TBX4: variants seen among roughly 807,000 people sequenced by gnomAD.
TBX4 encodes T-box transcription factor 4, also known as T-box transcription factor TBX4.
TBX4 carries 13 observed loss-of-function variants against 54.6 expected under a neutral mutation model. The observed-to-expected ratio is 0.24, with a 90% CI of 0.15 to 0.38. The LOEUF is 0.38. Among genes scored for constraint, TBX4 ranks in the 10% least tolerant of loss-of-function variants. The pLI is 1.00. For synonymous variants in TBX4, 314 were observed against 306.7 expected (o/e 1.02, Z -0.25); for missense variants, 631 against 728.5 (o/e 0.87, Z 1.54).
Position 61,465,754 on chromosome 17 carries a change from T to TC in TBX4, c.282-64dup. ...TGTTAGCGGCCTTCTGCCCCCTTGC[T>TC]CACTCTGTTCCATCTCTCCTGGTGC... On this transcript the variant is annotated intron_variant, in intron 3 of 8. Coordinates refer to ENST00000644296, the MANE Select transcript of TBX4 (RefSeq NM_001321120.2). This position sits in a 1 kb window ranked among gnomAD's most constrained non-coding sequence, Gnocchi z 4.9. 6.2e-7 allele frequency: 1 copy of TC among 1,608,508 alleles called. No homozygotes were observed. The highest frequency in any genetic ancestry group is 8.5e-7 in the Non-Finnish European group (1 of 1,176,588).
Position 61,483,308 on chromosome 17 carries a change from T to C in TBX4, c.1433T>C (p.Leu478Pro). The C allele has an allele frequency of 6.2e-6, 10 of 1,611,706 alleles. No homozygotes were observed. Among genetic ancestry groups the C allele is most frequent in the Non-Finnish European group, 8.5e-6 (10 of 1,178,030 alleles). The change falls in exon 9 of 9, where the codon CTC becomes CCC. Residue 478 changes from leucine (L) to proline (P), a missense_variant. Leu to Pro is a moderately conservative substitution (Grantham distance 98, BLOSUM62 -3). Transcript: ENST00000644296. This position sits in a 1 kb window ranked among gnomAD's most constrained non-coding sequence, Gnocchi z 6.6. ...GNAHFSVYNQ[L>P]SQSQVRERGP... is the part of the protein sequence containing the mutation. ...GCCCACTTTAGTGTCTACAATCAGC[T>C]CTCCCAGTCTCAGGTCCGAGAGCGG...
At position 61,483,328 on chromosome 17, in the gene TBX4, G is replaced by C; in HGVS notation, c.1453G>C (p.Glu485Gln). ...YNQLSQSQVR[E>Q]RGPSASFPRE... ...TCAGCTCTCCCAGTCTCAGGTCCGAGAGCGGGGGCCCAGCGCCTCATTCCC... is the reference window on the plus strand; with the variant it reads ...TCAGCTCTCCCAGTCTCAGGTCCGACAGCGGGGGCCCAGCGCCTCATTCCC... The change falls in exon 9 of 9, where the codon GAG becomes CAG. Residue 485 changes from glutamate (E) to glutamine (Q), a missense_variant. Transcript: ENST00000644296. The surrounding 1 kb of genome is among the most constrained non-coding windows in gnomAD (Gnocchi z 6.6). 1.2e-6 allele frequency: 2 copies of C among 1,610,534 alleles called. No individual in the cohort carries two copies. Among genetic ancestry groups the C allele is most frequent in the Non-Finnish European group, 1.7e-6 (2 of 1,177,082 alleles).
chr17:61,483,408 AAATGCTGCC>A lies in TBX4; in HGVS notation c.1538_1546del (p.Ala513_Asn515del). 1.2e-6 allele frequency: 2 copies of A among 1,613,560 alleles called. No homozygotes were observed. Among genetic ancestry groups the A allele is most frequent in the Non-Finnish European group, 1.7e-6 (2 of 1,179,508 alleles). ...AGAGGAAGCCACCCTCGCCACATCT[AAATGCTGCC>A]AATGAGTTTCTCTACTCTCAAACCT... On this transcript the variant is annotated inframe_deletion, in exon 9 of 9. Coordinates refer to ENST00000644296, the MANE Select transcript of TBX4 (RefSeq NM_001321120.2). This position sits in a 1 kb window ranked among gnomAD's most constrained non-coding sequence, Gnocchi z 6.6.
At chr17:61,456,016 G>A (rs1256900422) in intron 1 of TBX4, among the ~76,000 whole-genome samples, 1 of 152,172 alleles carries the variant, frequency 6.6e-6, no homozygotes, top group African/African-American at 2.4e-5. Context: ...GGAGCTGCAG[G>A]AGCCTGGGCC....
chr17:61,457,613 T>G lies in TBX4; in HGVS notation c.263T>G (p.Ile88Ser). 6.2e-7 allele frequency: 1 copy of G among 1,613,366 alleles called. No homozygotes were observed. The change falls in exon 3 of 9, where the codon ATC becomes AGC. Residue 88 changes from isoleucine to serine, a missense_variant. Coordinates refer to ENST00000644296, the MANE Select transcript of TBX4 (RefSeq NM_001321120.2). The surrounding 1 kb of genome is among the most constrained non-coding windows in gnomAD (Gnocchi z 8.2). ...KKFHEAGTEM[I>S]ITKAGRRMFP... ...TTCCACGAGGCGGGCACCGAGATGA[T>G]CATCACTAAGGCTGGCAGGTCAGCG...
At position 61,457,975 on chromosome 17, in the gene TBX4, T is replaced by C. The variant is rs1440280407; in HGVS notation, c.281+344T>C. Among the ~76,000 whole-genome samples, 1 of 152,224 alleles carries C rather than the reference T, an allele frequency of 6.6e-6. No homozygotes were observed. The highest frequency in any genetic ancestry group is 2.4e-5 in the African/African-American group (1 of 41,442). ...CTCTTTGAGGACCTGAGGAGGTTTC[T>C]CAGGAATGCATTGATTGGAGACCCA... On this transcript the variant is annotated intron_variant, in intron 3 of 8. Transcript: ENST00000644296. This position sits in a 1 kb window ranked among gnomAD's most constrained non-coding sequence, Gnocchi z 8.2.
In TBX4 at chr17:61,460,852, A is replaced by C. The variant is rs912270675; in HGVS notation, c.281+3221A>C. 1.3e-5 allele frequency among the ~76,000 whole-genome samples: 2 copies of C among 152,182 alleles called. No homozygotes were observed. Among genetic ancestry groups the C allele is most frequent in the African/African-American group, 4.8e-5 (2 of 41,454 alleles). On this transcript the variant is annotated intron_variant, in intron 3 of 8. Transcript: ENST00000644296. This position sits in a 1 kb window ranked among gnomAD's most constrained non-coding sequence, Gnocchi z 4.4. The stretch of plus-strand genomic sequence containing the variant: ...CACTATCAGCCTTCATAGCCTGTTG[A>C]GTTCAATGTTGCTTGTGTTAGTGAC...
chr17:61,483,605 G>A lies in TBX4; in HGVS notation c.*89G>A. 1.3e-5 allele frequency: 15 copies of A among 1,128,166 alleles called. No homozygotes were observed. The highest frequency in any genetic ancestry group is 1.9e-5 in the Non-Finnish European group (15 of 786,260). The allele number at this position is 1,128,166 out of a possible 1,614,324, so 69.9% of individuals were successfully genotyped here. ...TGCACTCTACCAAGAAACACAGGAAGGTATTCCAGTGTGTGTGTGTGTGTG... is the reference window on the plus strand; with the variant it reads ...TGCACTCTACCAAGAAACACAGGAAAGTATTCCAGTGTGTGTGTGTGTGTG... On this transcript the variant is annotated 3_prime_UTR_variant, in exon 9 of 9. Transcript: ENST00000644296. This position sits in a 1 kb window ranked among gnomAD's most constrained non-coding sequence, Gnocchi z 6.6.
At chr17:61,456,708 G>A (rs1455409681) in intron 2 of TBX4, 32 bp downstream of exon 2, 2 of 1,361,144 alleles carry the variant, frequency 1.5e-6, no homozygotes, top group South Asian at 1.7e-5. Flanking sequence ...GGTAGAAGTC[G>A]GGCGTCGGTC....
chr17:61,458,292 ACGG>A (rs933071849), intron 3 of TBX4, among the ~76,000 whole-genome samples: 1 of 130,074 alleles, frequency 7.7e-6, no homozygotes, highest in Non-Finnish European at 1.6e-5. Flanking sequence ...AGGAAGACTC[ACGG>A]CGGGGGTGGG....
intron 4 of TBX4, among the ~76,000 whole-genome samples, chr17:61,467,066 G>C (rs1283814892): frequency 6.6e-6 from 1 of 152,166 alleles, no homozygotes; most frequent in African/African-American, 2.4e-5. Context: ...GGCTGAGGCA[G>C]AAGGATTGCT....
Position 61,476,447 on chromosome 17 carries a change from C to T in TBX4, c.550-2180C>T, listed in dbSNP as rs565364779. ...CCAGGTATTCCATTGCTGGATCTTC[C>T]GGGAACGTGGGTCCTTTGTGGATGC... On this transcript the variant is annotated intron_variant, in intron 5 of 8. Transcript: ENST00000644296. The surrounding 1 kb of genome is among the most constrained non-coding windows in gnomAD (Gnocchi z 6.5). Among the ~76,000 whole-genome samples, 9 of 152,342 alleles carry T rather than the reference C, an allele frequency of 5.9e-5. No individual in the cohort carries two copies. The East Asian group carries it at 9.6e-4, about 16-fold the overall frequency.
In TBX4 at chr17:61,483,636, G is replaced by GTGTGTGTA; in HGVS notation, c.*127_*128insATGTGTGT. The GTGTGTGTA allele has an allele frequency of 3.5e-6, 4 of 1,134,622 alleles. No individual in the cohort carries two copies. The Admixed American group carries it at 5.6e-5, about 16-fold the overall frequency. The allele number at this position is 1,134,622 out of a possible 1,614,324, so 70.3% of individuals were successfully genotyped here. A position where few individuals can be genotyped will look rare whatever the true frequency, so the allele number is the denominator to read the frequency against. On this transcript the variant is annotated 3_prime_UTR_variant, in exon 9 of 9. Transcript: ENST00000644296. This position sits in a 1 kb window ranked among gnomAD's most constrained non-coding sequence, Gnocchi z 6.6. ...CCAGTGTGTGTGTGTGTGTGTGTGT[G>GTGTGTGTA]TGTGTGTGTGTGTGTGTATACACGA...
In TBX4 at chr17:61,478,538, A is replaced by G. The variant is rs560067783; in HGVS notation, c.550-89A>G. 4.0e-5 allele frequency: 64 copies of G among 1,583,142 alleles called. No individual in the cohort carries two copies. The African/African-American group carries it at 8.2e-4, about 20-fold the overall frequency. On this transcript the variant is annotated intron_variant, in intron 5 of 8. Coordinates refer to ENST00000644296, the MANE Select transcript of TBX4 (RefSeq NM_001321120.2). The surrounding 1 kb of genome is among the most constrained non-coding windows in gnomAD (Gnocchi z 7.4). ...TCCTGGGCTTTGAGGAGAATGAGAAAAACCAGGCCAGGGCCAGAAGAATGA... is the reference window on the plus strand; with the variant it reads ...TCCTGGGCTTTGAGGAGAATGAGAAGAACCAGGCCAGGGCCAGAAGAATGA...
At position 61,479,974 on chromosome 17, in the gene TBX4, G is replaced by A. The variant is rs367603339; in HGVS notation, c.791+5G>A. The A allele has an allele frequency of 6.2e-7, 1 of 1,614,036 alleles. No individual in the cohort carries two copies. The highest frequency in any genetic ancestry group is 8.5e-7 in the Non-Finnish European group (1 of 1,179,974). On this transcript the variant is annotated splice_donor_5th_base_variant and intron_variant, in intron 7 of 8. Transcript: ENST00000644296. This position sits in a 1 kb window ranked among gnomAD's most constrained non-coding sequence, Gnocchi z 6.1. ...GCGTGTGGCCCGACTGCAGAGGTGG[G>A]GCTGCGTAGCCTGGGGGTGGGGCGG...
At position 61,462,227 on chromosome 17, in the gene TBX4, G is replaced by A. The variant is rs1316052567; in HGVS notation, c.282-3592G>A. On this transcript the variant is annotated intron_variant, in intron 3 of 8. Transcript: ENST00000644296. This position sits in a 1 kb window ranked among gnomAD's most constrained non-coding sequence, Gnocchi z 4.5. Reference sequence around the variant, plus strand: ...ATGAATAGATAAAGGCTCCAGCTCCGCACCCTTTCAGAGCCTGTTTCATGA... The same window carrying A: ...ATGAATAGATAAAGGCTCCAGCTCCACACCCTTTCAGAGCCTGTTTCATGA... Among the ~76,000 whole-genome samples, 1 of 152,116 alleles carries A rather than the reference G, an allele frequency of 6.6e-6. No individual in the cohort carries two copies. Among genetic ancestry groups the A allele is most frequent in the African/African-American group, 2.4e-5 (1 of 41,412 alleles).
intron 5 of TBX4, among the ~76,000 whole-genome samples, chr17:61,468,087 G>T (rs764841715): frequency 6.6e-6 from 1 of 152,202 alleles, no homozygotes; most frequent in Non-Finnish European, 1.5e-5. Flanking sequence ...AACACAAGAG[G>T]GGTAAGCCTT....
At position 61,476,541 on chromosome 17, in the gene TBX4, A is replaced by T. The variant is rs1041603570; in HGVS notation, c.550-2086A>T. ...GGGCTGGGAGGTGTTTTCCAGGCCC[A>T]GTTCCTCTCGCCACAGGAGCATCCC... On this transcript the variant is annotated intron_variant, in intron 5 of 8. Transcript: ENST00000644296. This position sits in a 1 kb window ranked among gnomAD's most constrained non-coding sequence, Gnocchi z 6.5. 2.6e-5 allele frequency among the ~76,000 whole-genome samples: 4 copies of T among 152,210 alleles called. No individual in the cohort carries two copies. Among genetic ancestry groups the T allele is most frequent in the Non-Finnish European group, 4.4e-5 (3 of 68,024 alleles).
chr17:61,483,917 TG>T lies in TBX4; in HGVS notation c.*405del. On this transcript the variant is annotated 3_prime_UTR_variant, in exon 9 of 9. Coordinates refer to ENST00000644296, the MANE Select transcript of TBX4 (RefSeq NM_001321120.2). The surrounding 1 kb of genome is among the most constrained non-coding windows in gnomAD (Gnocchi z 6.6). ...TCCCATGGGGAAAGATTCTCACTGC[TG>T]GGGTGGGAAGATTCTCGCTGCTGGG... 1 of 265,554 alleles carries T rather than the reference TG, an allele frequency of 3.8e-6. No homozygotes were observed. Among genetic ancestry groups the T allele is most frequent in the Non-Finnish European group, 7.4e-6 (1 of 134,968 alleles). 16.4% of individuals were successfully genotyped at this position (265,554 alleles called of 1,614,324 possible).
Sources: gnomAD v4.1 joint callset for allele counts (sites outside exome capture counted in the v4.1 genomes callset) on GRCh38, gnomAD v4.1.1 for gene constraint, Gnocchi (gnomAD v3.1) non-coding constraint, MANE v1.5 for transcripts, NCBI Gene and HGNC (gene_info 2026-07-23, HGNC 2026-07-21) for gene names.